Variants in WASF3 observed in about 807,000 individuals in gnomAD.
WASF3 encodes actin-binding protein WASF3.
WASF3 carries 11 observed loss-of-function variants against 46.6 expected under a neutral mutation model. The observed-to-expected ratio is 0.24, with a 90% CI of 0.15 to 0.39. The LOEUF is 0.39. WASF3 is among the 10% of genes least tolerant of loss of function. The pLI is 1.00. For synonymous variants in WASF3, 242 were observed against 259.7 expected (o/e 0.93, Z 0.65); for missense variants, 576 against 669.8 (o/e 0.86, Z 1.55).
intron 1 of WASF3, among the ~76,000 whole-genome samples, chr13:26,604,204 C>T (rs1200416435): frequency 1.3e-5 from 2 of 152,142 alleles, no homozygotes; most frequent in African/African-American, 4.8e-5. Context: ...TAAACTAATT[C>T]CTACCTTGCA....
At chr13:26,575,482 G>A (rs1879769490) in intron 1 of WASF3, among the ~76,000 whole-genome samples, 1 of 152,144 alleles carries the variant, frequency 6.6e-6, no homozygotes, top group Non-Finnish European at 1.5e-5. Context: ...ATGTGTCAGT[G>A]TCTCTCCTGT....
intron 1 of WASF3, among the ~76,000 whole-genome samples, chr13:26,599,608 C>T (rs1880587278): frequency 6.6e-6 from 1 of 152,166 alleles, no homozygotes; most frequent in Non-Finnish European, 1.5e-5. Flanking sequence ...ATCATTTCAG[C>T]TCACATGGAG....
chr13:26,634,631 T>C (rs977931127), intron 2 of WASF3, among the ~76,000 whole-genome samples: 1 of 152,264 alleles, frequency 6.6e-6, no homozygotes, highest in African/African-American at 2.4e-5. Context: ...GTACCGGTTG[T>C]TCCTTTCCAT....
intron 2 of WASF3, among the ~76,000 whole-genome samples, chr13:26,618,497 C>A (rs1477183465): frequency 6.7e-6 from 1 of 148,690 alleles, no homozygotes. Context: ...CCCACCTCCG[C>A]CCCCCCGTCT....
At chr13:26,667,244 T>C (rs756661689) in intron 4 of WASF3, among the ~76,000 whole-genome samples, 9 of 152,190 alleles carry the variant, frequency 5.9e-5, no homozygotes, top group Non-Finnish European at 5.9e-5. Context: ...TGAGAAATGC[T>C]ATTTAAATAA....
intron 2 of WASF3, among the ~76,000 whole-genome samples, chr13:26,634,215 T>C (rs895423258): frequency 2.6e-5 from 4 of 152,248 alleles, no homozygotes; most frequent in African/African-American, 9.6e-5. Context: ...CTCTTCTTGT[T>C]GAAGTGATCC....
At position 26,688,931 on chromosome 13, in the gene WASF3, G is replaced by A. The variant is rs1383103918; in HGVS notation, c.*3086G>A. 1 of 152,142 alleles carries A rather than the reference G, an allele frequency of 6.6e-6. No individual in the cohort carries two copies. The highest frequency in any genetic ancestry group is 2.4e-5 in the African/African-American group (1 of 41,410). The allele number at this position is 152,142 out of a possible 1,614,324, so 9.4% of individuals were successfully genotyped here. ...TAAAATTACACTTTTAACCCTAAGA[G>A]GTTTTGCTTATTAATAACAGTGTTG... On this transcript the variant is annotated 3_prime_UTR_variant, in exon 10 of 10. Coordinates refer to ENST00000335327, the MANE Select transcript of WASF3 (RefSeq NM_006646.6).
rs1441249731 is a variant in WASF3 at position 26,688,794 on chromosome 13, G to A, written c.*2949G>A. ...AAATCATAGTATCTGTCATCTTGCAGTATTACCAATGCTGTTGTAAATTGA... is the reference window on the plus strand; with the variant it reads ...AAATCATAGTATCTGTCATCTTGCAATATTACCAATGCTGTTGTAAATTGA... On this transcript the variant is annotated 3_prime_UTR_variant, in exon 10 of 10. Coordinates refer to ENST00000335327, the MANE Select transcript of WASF3 (RefSeq NM_006646.6). 1.3e-5 allele frequency: 2 copies of A among 152,132 alleles called. No individual in the cohort carries two copies. The highest frequency in any genetic ancestry group is 4.8e-5 in the African/African-American group (2 of 41,420). The allele number at this position is 152,132 out of a possible 1,614,324, so 9.4% of individuals were successfully genotyped here.
chr13:26,547,018 G>C, the WASF3 span, among the ~76,000 whole-genome samples: 1 of 151,956 alleles, frequency 6.6e-6, no homozygotes, highest in Non-Finnish European at 1.5e-5. Flanking sequence ...GAAACTGAAG[G>C]AGCACTTACT....
At chr13:26,602,226 T>C (rs570755882) in intron 1 of WASF3, among the ~76,000 whole-genome samples, 149 of 152,346 alleles carry the variant, frequency 9.8e-4, no homozygotes, top group African/African-American at 3.5e-3. Flanking sequence ...ATGCAGCCTC[T>C]GGGCTTCAGA....
rs1880544744 is a variant in WASF3 at position 26,598,525 on chromosome 13, C to T, written c.-108-14436C>T. On this transcript the variant is annotated intron_variant, in intron 1 of 9. Transcript: ENST00000335327. ...AAAGACTGAGGAATATCTATCCCGG[C>T]AAAAGGCTTGCTCTTCCTTTTGTCA... 2.0e-5 allele frequency among the ~76,000 whole-genome samples: 3 copies of T among 152,202 alleles called. No individual in the cohort carries two copies. The South Asian group carries it at 6.2e-4, about 32-fold the overall frequency.
intron 1 of WASF3, among the ~76,000 whole-genome samples, chr13:26,608,715 C>T (rs1880879025): frequency 1.3e-5 from 2 of 152,116 alleles, no homozygotes; most frequent in South Asian, 4.1e-4. Flanking sequence ...CTCAGGTAGT[C>T]AACCTGAGAG....
At chr13:26,623,650 G>A (rs1163525316) in intron 2 of WASF3, among the ~76,000 whole-genome samples, 1 of 152,168 alleles carries the variant, frequency 6.6e-6, no homozygotes, top group Non-Finnish European at 1.5e-5. Flanking sequence ...TTGGAGAAGA[G>A]ATGCACAGAT....
chr13:26,612,722 C>T (rs1881015623), intron 1 of WASF3, among the ~76,000 whole-genome samples: 2 of 152,088 alleles, frequency 1.3e-5, no homozygotes, highest in African/African-American at 4.8e-5. Context: ...TGCCCTTCAG[C>T]TATTATTTAC....
chr13:26,638,033 G>A lies in WASF3; in HGVS notation c.-10-4228G>A, dbSNP rs1284524095. 2.0e-5 allele frequency: 3 copies of A among 152,534 alleles called. No individual in the cohort carries two copies. The East Asian group carries it at 5.8e-4, about 29-fold the overall frequency. The allele number at this position is 152,534 out of a possible 1,614,324, so 9.4% of individuals were successfully genotyped here. On this transcript the variant is annotated intron_variant, in intron 2 of 9. Transcript: ENST00000335327. ...AAACCACAGTGCAAACCTGACCCTT[G>A]CAGTGGGGAGGAGAGGGGGTTGGGT...
intron 7 of WASF3, chr13:26,680,004 AC>A: frequency 1.3e-6 from 2 of 1,587,336 alleles, no homozygotes; most frequent in Non-Finnish European, 8.5e-7. Flanking sequence ...CTCCCTCAGC[AC>A]CCCCAATGTG....
intron 3 of WASF3, among the ~76,000 whole-genome samples, chr13:26,643,276 C>G (rs6491142): frequency 7.2e-5 from 11 of 151,822 alleles, no homozygotes; most frequent in African/African-American, 2.7e-4. Context: ...TTTTCAGAAA[C>G]TCTGTTAATA....
chr13:26,661,780 T>C (rs1452226463), intron 3 of WASF3, among the ~76,000 whole-genome samples: 1 of 152,206 alleles, frequency 6.6e-6, no homozygotes, highest in African/African-American at 2.4e-5. Flanking sequence ...TGCGTTTTTG[T>C]TTTTGTTTTT....
In WASF3 at chr13:26,655,374, C is replaced by T. The variant is rs74355606; in HGVS notation, c.134-9654C>T. 6.1e-3 allele frequency among the ~76,000 whole-genome samples: 922 copies of T among 152,270 alleles called. 9 individuals are homozygous for T. The highest frequency in any genetic ancestry group is 0.021 in the African/African-American group (866 of 41,558). On this transcript the variant is annotated intron_variant, in intron 3 of 9. Transcript: ENST00000335327. ...AAATATCACACGGTGATGATGTGTTCTCCCCTGTGCGTTTCATTAGGAAGC... is the reference window on the plus strand; with the variant it reads ...AAATATCACACGGTGATGATGTGTTTTCCCCTGTGCGTTTCATTAGGAAGC...
Sources: gnomAD v4.1 joint callset for allele counts (sites outside exome capture counted in the v4.1 genomes callset) on GRCh38, gnomAD v4.1.1 for gene constraint, MANE v1.5 for transcripts, NCBI Gene and HGNC (gene_info 2026-07-23, HGNC 2026-07-21) for gene names.